L3MBTL4: variants seen among roughly 807,000 people sequenced by gnomAD.
L3MBTL4 encodes the protein lethal(3)malignant brain tumor-like protein 4.
L3MBTL4 carries 70 observed loss-of-function variants against 84.5 expected under a neutral mutation model. The observed-to-expected ratio is 0.83, with a 90% CI of 0.68 to 1.01. The LOEUF (loss-of-function observed/expected upper bound fraction) is 1.01, where lower values mean the gene tolerates loss of function less well. L3MBTL4 is among the 50% of genes least tolerant of loss of function. The probability of loss-of-function intolerance (pLI) is 0.00; values close to 1 mark genes in which losing one functional copy is unlikely to be tolerated. For synonymous variants in L3MBTL4, 274 were observed against 259.8 expected (o/e 1.05, Z -0.52); for missense variants, 715 against 754.8 (o/e 0.95, Z 0.62).
intron 13 of L3MBTL4, among the ~76,000 whole-genome samples, chr18:6,170,200 C>G (rs1460121229): frequency 6.6e-6 from 1 of 152,180 alleles, no homozygotes; most frequent in Non-Finnish European, 1.5e-5. Flanking sequence ...TCATTTTTAA[C>G]CACTAGTCTA....
chr18:6,386,320 T>G (rs184839874), intron 1 of L3MBTL4, among the ~76,000 whole-genome samples: 2 of 152,176 alleles, frequency 1.3e-5, no homozygotes, highest in African/African-American at 4.8e-5. Context: ...GCCATTGATG[T>G]CTGGGGAAGG....
intron 16 of L3MBTL4, among the ~76,000 whole-genome samples, chr18:6,036,463 C>A (rs935895562): frequency 6.6e-6 from 1 of 151,868 alleles, no homozygotes; most frequent in African/African-American, 2.4e-5. Context: ...TTTTTGGTTT[C>A]TTTTTAGGTT....
chr18:6,252,767 T>G (rs1413619065), intron 5 of L3MBTL4, among the ~76,000 whole-genome samples: 1 of 152,216 alleles, frequency 6.6e-6, no homozygotes, highest in African/African-American at 2.4e-5. Flanking sequence ...TATTCTTGCA[T>G]CTTATTAGCA....
rs1286999857 is a variant in L3MBTL4 at position 5,969,523 on chromosome 18, G to A, written c.1484C>T (p.Ser495Leu). ...GGCTGACACCGTGGACATGGACACT[G>A]ACTGGTGAAGCACCTGCTGCGCCTG... is the stretch of plus-strand genomic sequence containing the variant. ...VEQAQQVLHQSVSMSTVSAHP... is the reference protein window; with the variant it reads ...VEQAQQVLHQLVSMSTVSAHP... The change falls in exon 17 of 19, where the codon TCA becomes TTA. Residue 495 changes from serine (S) to leucine (L), a missense_variant. Ser to Leu is a moderately radical substitution (Grantham distance 145, BLOSUM62 -2). Coordinates refer to ENST00000317931, the MANE Select transcript of L3MBTL4 (RefSeq NM_001330559.2). The A allele has an allele frequency of 2.7e-5, 44 of 1,613,040 alleles. No individual in the cohort carries two copies. Among genetic ancestry groups the A allele is most frequent in the Non-Finnish European group, 3.4e-5 (40 of 1,179,546 alleles).
chr18:6,104,551 A>C (rs1425356286), intron 14 of L3MBTL4, among the ~76,000 whole-genome samples: 2 of 152,198 alleles, frequency 1.3e-5, no homozygotes, highest in Non-Finnish European at 2.9e-5. Flanking sequence ...AGAAAGTAGA[A>C]TGGTGGTTGC....
intron 1 of L3MBTL4, among the ~76,000 whole-genome samples, chr18:6,337,039 C>T (rs113613790): frequency 0.011 from 1,659 of 152,122 alleles, 40 homozygotes; most frequent in African/African-American, 0.038. Context: ...ATGGGTTTAA[C>T]GACAGATTGA....
chr18:6,386,188 T>A (rs1004564391), intron 1 of L3MBTL4, among the ~76,000 whole-genome samples: 1 of 152,142 alleles, frequency 6.6e-6, no homozygotes, highest in African/African-American at 2.4e-5. Flanking sequence ...GCATTTGAGT[T>A]GAACTTAAAG....
At chr18:6,165,634 AGATTTTGTCACCACCAG>A (rs1415360351) in intron 13 of L3MBTL4, among the ~76,000 whole-genome samples, 57 of 152,304 alleles carry the variant, frequency 3.7e-4, no homozygotes, top group Middle Eastern at 6.8e-3. Context: ...AAACACTGAG[AGATTTTGTCACCACCAG>A]GCCTGCCCTA....
Position 6,163,269 on chromosome 18 carries a change from GT to G in L3MBTL4, c.1096+8558del, listed in dbSNP as rs373243931. Among the ~76,000 whole-genome samples the G allele has an allele frequency of 6.6e-4, 55 of 82,790 alleles. 2 individuals carry two copies. Among genetic ancestry groups the G allele is most frequent in the African/African-American group, 1.9e-3 (40 of 20,980 alleles). The allele number at this position is 82,790 out of a possible 152,430, so 54.3% of individuals were successfully genotyped here. On this transcript the variant is annotated intron_variant, in intron 13 of 18. Transcript: ENST00000317931. ...ACGGGTGTGTGTGTGTGGGGGGGGGGTGGGTGTGTGTGTGTGTGTGTGTGTG... is the reference window on the plus strand; with the variant it reads ...ACGGGTGTGTGTGTGTGGGGGGGGGGGGGTGTGTGTGTGTGTGTGTGTGTG...
chr18:6,105,630 C>A (rs1308391541), intron 14 of L3MBTL4, among the ~76,000 whole-genome samples: 4 of 151,742 alleles, frequency 2.6e-5, no homozygotes, highest in Non-Finnish European at 5.9e-5. Flanking sequence ...GAAACCCCGT[C>A]TCTACTAAAA....
Position 6,138,403 on chromosome 18 carries a change from C to A in L3MBTL4, c.1097-107G>T, listed in dbSNP as rs189031644. ...TAAGACTTTACAAATTAAAAACAAACCATCACCAAAAACCACTTACAGGTG... is the reference window on the plus strand; with the variant it reads ...TAAGACTTTACAAATTAAAAACAAAACATCACCAAAAACCACTTACAGGTG... On this transcript the variant is annotated intron_variant, in intron 13 of 18. Transcript: ENST00000317931. 4.1e-3 allele frequency: 2,783 copies of A among 682,446 alleles called. 9 individuals carry two copies. The highest frequency in any genetic ancestry group is 6.2e-3 in the Non-Finnish European group (2,520 of 408,664). The allele number at this position is 682,446 out of a possible 1,614,324, so 42.3% of individuals were successfully genotyped here. A position where few individuals can be genotyped will look rare whatever the true frequency, so the allele number is the denominator to read the frequency against.
chr18:6,195,925 C>T lies in L3MBTL4; in HGVS notation c.981+17224G>A, dbSNP rs189468281. On this transcript the variant is annotated intron_variant, in intron 12 of 18. Coordinates refer to ENST00000317931, the MANE Select transcript of L3MBTL4 (RefSeq NM_001330559.2). ...GACGAGAAGCTGTGTCGGCTTAGTTCCACTCCTCTCAGTCTTCTTCATTCA... is the reference window on the plus strand; with the variant it reads ...GACGAGAAGCTGTGTCGGCTTAGTTTCACTCCTCTCAGTCTTCTTCATTCA... Among the ~76,000 whole-genome samples, 6 of 152,116 alleles carry T rather than the reference C, an allele frequency of 3.9e-5. No homozygotes were observed. In the East Asian group the frequency reaches 1.2e-3, roughly 29 times the overall value.
chr18:6,229,456 G>C (rs933523302), intron 10 of L3MBTL4, among the ~76,000 whole-genome samples: 1 of 151,992 alleles, frequency 6.6e-6, no homozygotes, highest in Non-Finnish European at 1.5e-5. Context: ...ATTGTCCTTC[G>C]ATGTATGGAA....
At chr18:6,089,289 C>T (rs1435803046) in intron 15 of L3MBTL4, among the ~76,000 whole-genome samples, 2 of 152,046 alleles carry the variant, frequency 1.3e-5, no homozygotes, top group African/African-American at 4.8e-5. Flanking sequence ...AAAACGTGCT[C>T]AAGACGGACA....
At chr18:6,262,346 C>T (rs1158093514) in intron 5 of L3MBTL4, among the ~76,000 whole-genome samples, 1 of 152,200 alleles carries the variant, frequency 6.6e-6, no homozygotes, top group African/African-American at 2.4e-5. Flanking sequence ...CTAGAAGTCA[C>T]TCAACAGCGA....
At chr18:6,043,325 T>C (rs185506912) in intron 16 of L3MBTL4, among the ~76,000 whole-genome samples, 5 of 152,218 alleles carry the variant, frequency 3.3e-5, no homozygotes, top group African/African-American at 9.6e-5. Flanking sequence ...TCGGTTCAAT[T>C]TGAGACTTGC....
intron 1 of L3MBTL4, among the ~76,000 whole-genome samples, chr18:6,406,997 A>G (rs778503503): frequency 1.3e-5 from 2 of 152,250 alleles, no homozygotes; most frequent in African/African-American, 2.4e-5. Context: ...CACTTTGCGC[A>G]TCACGGTGAT....
At chr18:6,255,963 AC>A (rs1408743727) in intron 5 of L3MBTL4, among the ~76,000 whole-genome samples, 1 of 152,224 alleles carries the variant, frequency 6.6e-6, no homozygotes, top group African/African-American at 2.4e-5. Flanking sequence ...TATTTAAAGT[AC>A]TAAGAAGCAT....
At position 6,093,511 on chromosome 18, in the gene L3MBTL4, T is replaced by C; in HGVS notation, c.1217A>G (p.Tyr406Cys). ...SGHHSAFGCPYSDMNLKKEAT... is the reference protein window; with the variant it reads ...SGHHSAFGCPCSDMNLKKEAT... ...CTCCTTTTTCAAGTTCATGTCTGAA[T>C]ACGGGCAGCCAAAAGCACTGGTTTG... The change falls in exon 15 of 19, where the codon TAT becomes TGT. Residue 406 changes from tyrosine (Y) to cysteine (C), a missense_variant. By Grantham distance (194) the Tyr-to-Cys change is radical. Transcript: ENST00000317931. 1 of 1,613,080 alleles carries C rather than the reference T, an allele frequency of 6.2e-7. No homozygotes were observed. Among genetic ancestry groups the C allele is most frequent in the Non-Finnish European group, 8.5e-7 (1 of 1,179,714 alleles).
Sources: allele counts gnomAD v4.1 joint callset (sites outside exome capture counted in the v4.1 genomes callset), GRCh38; gene constraint gnomAD v4.1.1; transcripts MANE v1.5; gene names NCBI Gene and HGNC (gene_info 2026-07-23, HGNC 2026-07-21).